Variants in CRB1 observed in about 807,000 individuals in gnomAD.
The protein encoded by CRB1 is crumbs cell polarity complex component 1.
In CRB1, 83 loss-of-function variants were observed where a neutral mutation model predicts 120.0. The ratio of observed to expected loss-of-function variants is 0.69; its 90% confidence interval spans 0.58 to 0.83. CRB1 has a LOEUF of 0.83. CRB1 is among the 40% of genes least tolerant of loss of function. The pLI, the probability that CRB1 is intolerant of heterozygous loss-of-function variation, is 0.00. For missense variants in CRB1, 1,699 were observed against 1,687.6 expected (o/e 1.01, Z -0.12); for synonymous variants, 625 against 612.5 (o/e 1.02, Z -0.30).
intron 5 of CRB1, among the ~76,000 whole-genome samples, chr1:197,371,959 C>A (rs573767004): frequency 1.3e-5 from 2 of 152,116 alleles, no homozygotes; most frequent in African/African-American, 4.8e-5. Flanking sequence ...CCAGGACACA[C>A]AGGGCCCATG....
rs373385658 is a variant in CRB1 at position 197,429,245 on chromosome 1, G to A, written c.2677-204G>A. On this transcript the variant is annotated intron_variant, in intron 7 of 11. Transcript: ENST00000367400. ...AATTTTATATCTTTTCTCTCTCTCT[G>A]CCACCACTCTGCCCTTTTAGAAAGG... The A allele has an allele frequency of 1.6e-5, 22 of 1,390,300 alleles. No individual in the cohort carries two copies. The East Asian group carries it at 1.7e-4, about 11-fold the overall frequency. 86.1% of individuals were successfully genotyped at this position (1,390,300 alleles called of 1,614,324 possible). A position where few individuals can be genotyped will look rare whatever the true frequency, so the allele number is the denominator to read the frequency against.
At chr1:197,329,461 G>A (rs1403452724) in intron 2 of CRB1, among the ~76,000 whole-genome samples, 4 of 152,098 alleles carry the variant, frequency 2.6e-5, no homozygotes, top group African/African-American at 9.7e-5. Flanking sequence ...ATGGAGCATG[G>A]TATATCAGAT....
At chr1:197,411,940 A>C (rs1276101513) in intron 5 of CRB1, among the ~76,000 whole-genome samples, 1 of 152,170 alleles carries the variant, frequency 6.6e-6, no homozygotes, top group African/African-American at 2.4e-5. Context: ...CTAAAGGTAC[A>C]TCTCTTTGTT....
At chr1:197,433,204 G>A (rs1251392042) in intron 8 of CRB1, among the ~76,000 whole-genome samples, 1 of 151,942 alleles carries the variant, frequency 6.6e-6, no homozygotes, top group Non-Finnish European at 1.5e-5. Flanking sequence ...GTACACTCTT[G>A]TGGTTATGTT....
At chr1:197,477,327 GATCTAGA>G (rs1386207557) in intron 11 of CRB1, among the ~76,000 whole-genome samples, 1 of 152,118 alleles carries the variant, frequency 6.6e-6, no homozygotes, top group Admixed American at 6.5e-5. Context: ...CGTGGCTATA[GATCTAGA>G]ATCATTTTAT....
chr1:197,304,780 T>A (rs1411525088), intron 1 of CRB1, among the ~76,000 whole-genome samples: 1 of 152,214 alleles, frequency 6.6e-6, no homozygotes, highest in Non-Finnish European at 1.5e-5. Flanking sequence ...ACTCTCCAGC[T>A]ACCTAAGTGT....
intron 5 of CRB1, among the ~76,000 whole-genome samples, chr1:197,411,181 C>T (rs1663692464): frequency 6.6e-6 from 1 of 152,108 alleles, no homozygotes; most frequent in Non-Finnish European, 1.5e-5. Flanking sequence ...GTGTCCATAT[C>T]TTATCGCTGT....
chr1:197,309,672 T>C (rs1358386385), intron 1 of CRB1, among the ~76,000 whole-genome samples: 1 of 151,896 alleles, frequency 6.6e-6, no homozygotes, highest in African/African-American at 2.4e-5. Context: ...GAGAATGGCA[T>C]GAACCCGGGA....
At chr1:197,356,403 GA>G (rs1660482256) in intron 4 of CRB1, among the ~76,000 whole-genome samples, 1 of 152,166 alleles carries the variant, frequency 6.6e-6, no homozygotes, top group African/African-American at 2.4e-5. Context: ...TGAATGCTAT[GA>G]AATAAGGATT....
chr1:197,247,771 G>C, the CRB1 span, among the ~76,000 whole-genome samples: 11 of 151,994 alleles, frequency 7.2e-5, no homozygotes, highest in African/African-American at 2.7e-4. Context: ...CATCTTATCT[G>C]AATCAGTTTG....
intron 1 of CRB1, among the ~76,000 whole-genome samples, chr1:197,316,253 T>C (rs1401638832): frequency 6.6e-6 from 1 of 152,104 alleles, no homozygotes; most frequent in Non-Finnish European, 1.5e-5. Context: ...GGCATGATCT[T>C]GGCTCACTGC....
intron 5 of CRB1, among the ~76,000 whole-genome samples, chr1:197,367,218 G>T (rs1462853365): frequency 6.6e-6 from 1 of 152,116 alleles, no homozygotes; most frequent in Non-Finnish European, 1.5e-5. Flanking sequence ...TATTCTGTTT[G>T]AGCTTTCCAG....
At chr1:197,210,234 G>A in the CRB1 span, among the ~76,000 whole-genome samples, 1 of 152,164 alleles carries the variant, frequency 6.6e-6, no homozygotes, top group Non-Finnish European at 1.5e-5. Context: ...AGGCTGTGGT[G>A]CCCAATTATG....
intron 1 of CRB1, among the ~76,000 whole-genome samples, chr1:197,312,795 T>C (rs1045711476): frequency 1.3e-5 from 2 of 152,224 alleles, no homozygotes; most frequent in African/African-American, 2.4e-5. Context: ...CTTTCCACAA[T>C]ATTTTATCCA....
chr1:197,238,893 A>C, the CRB1 span, among the ~76,000 whole-genome samples: 1 of 152,096 alleles, frequency 6.6e-6, no homozygotes, highest in Non-Finnish European at 1.5e-5. Context: ...ATTATATCAC[A>C]AAAGAACAAA....
intron 4 of CRB1, among the ~76,000 whole-genome samples, chr1:197,350,127 T>A (rs1428323044): frequency 1.4e-5 from 2 of 144,390 alleles, no homozygotes; most frequent in African/African-American, 2.7e-5. Context: ...AAAAAAAACC[T>A]GAAAATTTTC....
intron 11 of CRB1, among the ~76,000 whole-genome samples, chr1:197,463,434 G>A (rs537641230): frequency 6.6e-6 from 1 of 152,292 alleles, no homozygotes; most frequent in South Asian, 2.1e-4. Context: ...TAAGCACTGT[G>A]CATAGTAAGA....
At chr1:197,310,979 C>G (rs1318852008) in intron 1 of CRB1, among the ~76,000 whole-genome samples, 2 of 152,132 alleles carry the variant, frequency 1.3e-5, no homozygotes, top group East Asian at 3.8e-4. Flanking sequence ...CCTATGACAC[C>G]TGCCATTCAT....
intron 5 of CRB1, among the ~76,000 whole-genome samples, chr1:197,370,208 A>T (rs907753247): frequency 6.6e-6 from 1 of 151,090 alleles, no homozygotes; most frequent in African/African-American, 2.4e-5. Context: ...TAAAGCATAA[A>T]TCTCACAGGA....
Sources: allele counts gnomAD v4.1 joint callset (sites outside exome capture counted in the v4.1 genomes callset), GRCh38; gene constraint gnomAD v4.1.1; transcripts MANE v1.5; gene names NCBI Gene and HGNC (gene_info 2026-07-23, HGNC 2026-07-21).